The following ANK2 variants were observed in gnomAD, a reference collection of about 807,000 sequenced individuals.
ANK2 encodes ankyrin-2.
In ANK2, 83 loss-of-function variants were observed where a neutral mutation model predicts 360.5. The ratio of observed to expected loss-of-function variants is 0.23; its 90% CI spans 0.19 to 0.28. The LOEUF (loss-of-function observed/expected upper bound fraction) is 0.28, where lower values mean the gene tolerates loss of function less well. ANK2 is among the 10% of genes least tolerant of loss of function. ANK2 has a pLI of 1.00. For missense variants in ANK2, 4,201 were observed against 4,795.7 expected (o/e 0.88, Z 3.66); for synonymous variants, 1,740 against 1,759.5 (o/e 0.99, Z 0.28).
intron 1 of ANK2, among the ~76,000 whole-genome samples, chr4:113,158,240 A>T (rs2097372950): frequency 6.6e-6 from 1 of 152,236 alleles, no homozygotes; most frequent in East Asian, 1.9e-4. Flanking sequence ...ATCATGTAAA[A>T]ATGAAGAATT....
At position 113,357,577 on chromosome 4, in the gene ANK2, A is replaced by G. The variant is rs745914652; in HGVS notation, c.8959A>G (p.Asn2987Asp). The stretch of plus-strand genomic sequence containing the variant: ...TGGAACTGTTTTAAGCAAAGAATCT[A>G]ATTTTGAGGGCCAGGACATAAAAAT... ...SSGTVLSKESNFEGQDIKMES... is the reference protein window; with the variant it reads ...SSGTVLSKESDFEGQDIKMES... The change falls in exon 38 of 46, where the codon AAT becomes GAT. Residue 2987 changes from asparagine to aspartate, a missense_variant. Asn to Asp is a conservative substitution (Grantham distance 23). Around this residue, in one of 4 missense-constraint regions of ANK2, gnomAD observed 2,642 missense variants for 2,714.5 expected, o/e 0.97. Coordinates refer to ENST00000357077, the MANE Select transcript of ANK2 (RefSeq NM_001148.6). 10 of 1,614,026 alleles carry G rather than the reference A, an allele frequency of 6.2e-6. No individual in the cohort carries two copies. In the Admixed American group the frequency reaches 1.2e-4, roughly 19 times the overall value.
intron 1 of ANK2, among the ~76,000 whole-genome samples, chr4:113,059,946 A>G (rs1031398632): frequency 6.6e-6 from 1 of 152,104 alleles, no homozygotes; most frequent in Non-Finnish European, 1.5e-5. Flanking sequence ...TTCATTCTTA[A>G]CTGAAGAGAG....
chr4:113,222,186 A>G (rs1267739973), intron 4 of ANK2, among the ~76,000 whole-genome samples: 4 of 152,136 alleles, frequency 2.6e-5, no homozygotes. Context: ...ACACCACCCA[A>G]ATTTCTTACC....
At chr4:112,845,271 C>T (rs1423239111) in intron 1 of ANK2, among the ~76,000 whole-genome samples, 1 of 150,132 alleles carries the variant, frequency 6.7e-6, no homozygotes, top group Non-Finnish European at 1.5e-5. Flanking sequence ...ACAGTATAAT[C>T]AATTTTCTGA....
intron 4 of ANK2, among the ~76,000 whole-genome samples, chr4:113,231,355 A>T (rs919627886): frequency 9.9e-5 from 15 of 151,942 alleles, no homozygotes; most frequent in Non-Finnish European, 1.0e-4. Context: ...CCCAGCCAAG[A>T]CTTTTACATT....
Position 113,249,768 on chromosome 4 carries a change from G to C in ANK2, c.896G>C (p.Gly299Ala), listed in dbSNP as rs1003776131. 2.5e-6 allele frequency: 4 copies of C among 1,614,032 alleles called. No individual in the cohort carries two copies. The highest frequency in any genetic ancestry group is 3.4e-6 in the Non-Finnish European group (4 of 1,179,990). ...GGQIDAKTRD[G>A]LTPLHCAARS... Reference sequence around the variant, plus strand: ...ATTCTTTAATTCTTTTGGCAGGATGGGTTGACACCACTTCACTGTGCTGCA... The same window carrying C: ...ATTCTTTAATTCTTTTGGCAGGATGCGTTGACACCACTTCACTGTGCTGCA... Residue 299 changes from glycine (G) to alanine (A), a missense_variant, in exon 10 of 46, where the codon GGG (glycine) becomes GCG (alanine). Gly to Ala is a moderately conservative substitution (Grantham distance 60, BLOSUM62 0). Around this residue, in one of 4 missense-constraint regions of ANK2, gnomAD observed 122 missense variants for 239.3 expected, o/e 0.51. Transcript: ENST00000357077.
At chr4:112,877,022 CTTAA>C (rs1282575760) in intron 1 of ANK2, among the ~76,000 whole-genome samples, 4 of 152,174 alleles carry the variant, frequency 2.6e-5, no homozygotes. Flanking sequence ...CTTTCTCCCC[CTTAA>C]TTGAGATAAA....
Position 113,354,247 on chromosome 4 carries a change from A to G in ANK2, c.5629A>G (p.Lys1877Glu). The part of the protein sequence containing the change: ...SPASSSSKTE[K>E]HSPVSPSTKT... Reference sequence around the variant, plus strand: ...TGCGTCATCATCGAGTAAAACTGAGAAACACTCACCTGTATCACCCTCGAC... The same window carrying G: ...TGCGTCATCATCGAGTAAAACTGAGGAACACTCACCTGTATCACCCTCGAC... The change falls in exon 38 of 46, where the codon AAA becomes GAA. Residue 1877 changes from lysine (K) to glutamate (E), a missense_variant. Coordinates refer to ENST00000357077, the MANE Select transcript of ANK2 (RefSeq NM_001148.6). 6.2e-7 allele frequency: 1 copy of G among 1,614,134 alleles called. No individual in the cohort carries two copies. The highest frequency in any genetic ancestry group is 2.2e-5 in the East Asian group (1 of 44,882).
At chr4:113,229,088 C>T (rs1296167693) in intron 4 of ANK2, among the ~76,000 whole-genome samples, 1 of 152,224 alleles carries the variant, frequency 6.6e-6, no homozygotes. Flanking sequence ...GTTCATCTCC[C>T]ATTTTTACCT....
intron 1 of ANK2, among the ~76,000 whole-genome samples, chr4:113,151,585 C>T (rs952066882): frequency 6.6e-6 from 1 of 152,156 alleles, no homozygotes; most frequent in African/African-American, 2.4e-5. Flanking sequence ...TTTTATTAGG[C>T]TCTGCCTCCA....
intron 2 of ANK2, among the ~76,000 whole-genome samples, chr4:112,967,698 T>A (rs570558908): frequency 6.6e-6 from 1 of 152,366 alleles, no homozygotes; most frequent in Non-Finnish European, 1.5e-5. Flanking sequence ...ATATTTTTGA[T>A]GTTATATCAG....
chr4:113,358,099 A>C lies in ANK2; in HGVS notation c.9481A>C (p.Thr3161Pro). Residue 3161 changes from threonine (T) to proline (P), a missense_variant, in exon 38 of 46, where the codon ACA becomes CCA. Thr to Pro is a conservative substitution (Grantham distance 38). Transcript: ENST00000357077. ...TGGGGCTGATCCCCTACCGCTGGAG[A>C]CATCAGCTGAATCACTAGCACTTTC... ...ATGADPLPLE[T>P]SAESLALSES... 1.2e-6 allele frequency: 2 copies of C among 1,614,076 alleles called. No homozygotes were observed.
At chr4:113,260,677 C>T (rs766813943) in intron 13 of ANK2, among the ~76,000 whole-genome samples, 20 of 152,164 alleles carry the variant, frequency 1.3e-4, no homozygotes, top group Non-Finnish European at 2.6e-4. Context: ...TGTTGTTTGT[C>T]TGGAATTAAA....
At chr4:112,886,242 C>G (rs1358039653) in intron 1 of ANK2, among the ~76,000 whole-genome samples, 2 of 152,160 alleles carry the variant, frequency 1.3e-5, no homozygotes, top group African/African-American at 4.8e-5. Context: ...AGAGGTTTTA[C>G]TGTGCTGGGA....
chr4:113,030,209 C>A (rs890371518), intron 2 of ANK2, among the ~76,000 whole-genome samples: 42 of 151,872 alleles, frequency 2.8e-4, no homozygotes, highest in African/African-American at 8.2e-4. Flanking sequence ...CTAAAAAAAA[C>A]CAAATAATAT....
chr4:113,308,595 C>T (rs1312298212), intron 23 of ANK2, among the ~76,000 whole-genome samples: 3 of 152,254 alleles, frequency 2.0e-5, no homozygotes, highest in African/African-American at 4.8e-5. Flanking sequence ...AGATTTGTGT[C>T]AGAGAAATTA....
intron 32 of ANK2, 132 bp downstream of exon 32, chr4:113,339,454 C>A: frequency 1.3e-6 from 1 of 759,940 alleles, no homozygotes; most frequent in Non-Finnish European, 2.2e-6. Flanking sequence ...TCTGCCTTTG[C>A]TTTTATATTT....
intron 2 of ANK2, among the ~76,000 whole-genome samples, chr4:113,035,278 G>T (rs1347242391): frequency 1.3e-5 from 2 of 151,748 alleles, no homozygotes; most frequent in Non-Finnish European, 2.9e-5. Context: ...GAACTAGCTT[G>T]TGTGATTAAT....
At chr4:113,020,388 G>T (rs996104441) in intron 2 of ANK2, among the ~76,000 whole-genome samples, 1 of 152,040 alleles carries the variant, frequency 6.6e-6, no homozygotes. Flanking sequence ...TAGAGACAGG[G>T]TCTCGCTGTG....
Sources: allele counts gnomAD v4.1 joint callset (sites outside exome capture counted in the v4.1 genomes callset), GRCh38; gene constraint gnomAD v4.1.1; regional missense constraint gnomAD v4.1.1; transcripts MANE v1.5; gene names NCBI Gene and HGNC (gene_info 2026-07-23, HGNC 2026-07-21).